Variants in ADAMTS6 observed in about 807,000 individuals in gnomAD.
The protein encoded by ADAMTS6 is A disintegrin and metalloproteinase with thrombospondin motifs 6.
Under a neutral mutation model 144.3 loss-of-function variants are expected in ADAMTS6, and 23 were observed. That is an observed-to-expected ratio of 0.16 (90% CI 0.11 to 0.23). The LOEUF (loss-of-function observed/expected upper bound fraction) is 0.23. Ranked by LOEUF, ADAMTS6 falls within the 10% of genes least tolerant of loss-of-function variation. ADAMTS6 has a pLI of 1.00. For synonymous variants in ADAMTS6, 444 were observed against 457.5 expected, an observed-to-expected ratio of 0.97 and a Z score of 0.38; for missense variants, 999 against 1,379.6, an observed-to-expected ratio of 0.72 and a Z score of 4.37.
At chr5:65,378,572 CCT>C (rs1393295847) in intron 7 of ADAMTS6, among the ~76,000 whole-genome samples, 23 of 152,134 alleles carry the variant, frequency 1.5e-4, no homozygotes, top group Non-Finnish European at 3.4e-4. Context: ...TTTTTGCCCC[CCT>C]GCCTTGTCTT....
In ADAMTS6 at chr5:65,172,889, G is replaced by A; in HGVS notation, c.3030C>T (p.Ile1010=). The A allele has an allele frequency of 3.7e-6, 6 of 1,614,258 alleles. No individual in the cohort carries two copies. The highest frequency in any genetic ancestry group is 4.2e-6 in the Non-Finnish European group (5 of 1,180,042). Residue 1010 remains isoleucine (I), a synonymous_variant, in exon 23 of 25, where the codon ATC becomes ATT. Coordinates refer to ENST00000381055, the MANE Select transcript of ADAMTS6 (RefSeq NM_197941.4). ...CPEESKPPVR[I]RCSLGRCPPP... ...GAGGGCAGCGGCCCAAACTGCAGCG[G>A]ATGCGGACAGGAGGTTTGCTTTCCT... is the stretch of plus-strand genomic sequence containing the variant.
At chr5:65,250,047 G>A (rs985375681) in intron 14 of ADAMTS6, among the ~76,000 whole-genome samples, 1 of 152,088 alleles carries the variant, frequency 6.6e-6, no homozygotes. Flanking sequence ...ATGCTTTACT[G>A]GATCTCTTTC....
At chr5:65,319,913 G>A (rs1745428528) in intron 9 of ADAMTS6, among the ~76,000 whole-genome samples, 1 of 152,126 alleles carries the variant, frequency 6.6e-6, no homozygotes, top group Non-Finnish European at 1.5e-5. Context: ...TTGTGATCTT[G>A]GCTCACTGCA....
At chr5:65,243,328 T>C (rs1004801850) in intron 14 of ADAMTS6, among the ~76,000 whole-genome samples, 1 of 152,080 alleles carries the variant, frequency 6.6e-6, no homozygotes, top group Non-Finnish European at 1.5e-5. Context: ...ACATTGTAAA[T>C]GGTCACTTTG....
At chr5:65,226,265 A>G in intron 15 of ADAMTS6, 46 bp from the exon 16 acceptor site, 1 of 1,593,096 alleles carries the variant, frequency 6.3e-7, no homozygotes, top group Non-Finnish European at 8.6e-7. Context: ...GGTTGTCCTA[A>G]TGAACAGTGA....
At chr5:65,235,306 A>G (rs1758583495) in intron 15 of ADAMTS6, among the ~76,000 whole-genome samples, 1 of 152,230 alleles carries the variant, frequency 6.6e-6, no homozygotes, top group South Asian at 2.1e-4. Context: ...TGTATATCAA[A>G]ACATTACATT....
At chr5:65,417,345 T>G (rs904182082) in intron 7 of ADAMTS6, among the ~76,000 whole-genome samples, 4 of 152,052 alleles carry the variant, frequency 2.6e-5, no homozygotes, top group Non-Finnish European at 5.9e-5. Flanking sequence ...CTCTCACCAT[T>G]CCTATTCAAC....
chr5:65,320,130 A>G (rs1285151449), intron 9 of ADAMTS6, among the ~76,000 whole-genome samples: 1 of 152,244 alleles, frequency 6.6e-6, no homozygotes, highest in Non-Finnish European at 1.5e-5. Flanking sequence ...GGCGTAAGCC[A>G]TCGCGCCTGG....
chr5:65,439,131 C>A (rs567735609), intron 7 of ADAMTS6, among the ~76,000 whole-genome samples: 1 of 126,090 alleles, frequency 7.9e-6, no homozygotes, highest in African/African-American at 3.0e-5. Flanking sequence ...AGGAAACCTC[C>A]AAATCTGTAT....
intron 7 of ADAMTS6, among the ~76,000 whole-genome samples, chr5:65,402,604 A>G (rs192383925): frequency 3.5e-4 from 53 of 152,094 alleles, no homozygotes; most frequent in Middle Eastern, 3.4e-3. Context: ...ATGCTCACAC[A>G]CCAAATCTGA....
intron 7 of ADAMTS6, among the ~76,000 whole-genome samples, chr5:65,399,023 G>T (rs552953033): frequency 6.6e-6 from 1 of 151,930 alleles, no homozygotes; most frequent in Admixed American, 6.5e-5. Flanking sequence ...TTGGGAGGCC[G>T]AGGTGGATGG....
At chr5:65,233,633 AC>A (rs145419462) in intron 15 of ADAMTS6, among the ~76,000 whole-genome samples, 5,318 of 152,184 alleles carry the variant, frequency 0.035, 326 homozygotes, top group African/African-American at 0.12. Flanking sequence ...ATTGAAGAAG[AC>A]ACAAATAATG....
At chr5:65,472,357 A>G (rs72760600) in intron 2 of ADAMTS6, among the ~76,000 whole-genome samples, 6,929 of 152,182 alleles carry the variant, frequency 0.046, 193 homozygotes, top group Non-Finnish European at 0.068. Flanking sequence ...TCTAAAATTG[A>G]TTATGTTGGC....
Position 65,471,089 on chromosome 5 carries a change from C to A in ADAMTS6, c.151G>T (p.Asp51Tyr). Residue 51 changes from aspartate (D) to tyrosine (Y), a missense_variant, in exon 3 of 25, where the codon GAT becomes TAT. Asp to Tyr is a radical substitution (Grantham distance 160). Coordinates refer to ENST00000381055, the MANE Select transcript of ADAMTS6 (RefSeq NM_197941.4). ...HYQLTIPIRV[D>Y]QNGAFLSFTV... ...AAGCTGAGAAATGCTCCATTTTGAT[C>A]AACCCTTATTGGAATAGTTAGCTGG... 6.2e-7 allele frequency: 1 copy of A among 1,610,060 alleles called. No individual in the cohort carries two copies. Among genetic ancestry groups the A allele is most frequent in the South Asian group, 1.1e-5 (1 of 90,212 alleles).
Position 65,478,286 on chromosome 5 carries a change from C to G in ADAMTS6, c.-280+3057G>C, listed in dbSNP as rs149351061. On this transcript the variant is annotated intron_variant, in intron 1 of 24. Transcript: ENST00000381055. Reference sequence around the variant, plus strand: ...TCTGGACACCATAAATATGTAGAGGCTGTGACTTTTCAGATATAGTTTCCA... The same window carrying G: ...TCTGGACACCATAAATATGTAGAGGGTGTGACTTTTCAGATATAGTTTCCA... Among the ~76,000 whole-genome samples the G allele has an allele frequency of 6.0e-4, 92 of 152,316 alleles. 3 individuals carry two copies. The East Asian group carries it at 0.017, about 28-fold the overall frequency.
intron 10 of ADAMTS6, among the ~76,000 whole-genome samples, chr5:65,297,659 C>A (rs1016055196): frequency 1.4e-4 from 22 of 152,134 alleles, no homozygotes; most frequent in Non-Finnish European, 2.8e-4. Context: ...AAGTTCACTG[C>A]ATTAATAAAA....
At chr5:65,436,541 T>TA (rs139278409) in intron 7 of ADAMTS6, among the ~76,000 whole-genome samples, 5,959 of 151,994 alleles carry the variant, frequency 0.039, 415 homozygotes, top group African/African-American at 0.14. Context: ...TCCTTTATTT[T>TA]AAAAAAAATC....
chr5:65,409,082 TA>T (rs1754825096), intron 7 of ADAMTS6, among the ~76,000 whole-genome samples: 1 of 151,998 alleles, frequency 6.6e-6, no homozygotes, highest in Admixed American at 6.6e-5. Context: ...ACATCACGAT[TA>T]AAAGAACTAG....
intron 24 of ADAMTS6, among the ~76,000 whole-genome samples, chr5:65,165,971 A>G (rs1469539205): frequency 6.6e-6 from 1 of 151,322 alleles, no homozygotes; most frequent in Admixed American, 6.6e-5. Context: ...AAACTGCATC[A>G]ACTAATGAAC....
Sources: gnomAD v4.1 joint callset for allele counts (sites outside exome capture counted in the v4.1 genomes callset) on GRCh38, gnomAD v4.1.1 for gene constraint, MANE v1.5 for transcripts, NCBI Gene and HGNC (gene_info 2026-07-23, HGNC 2026-07-21) for gene names.